The following NR3C2 variants were observed in gnomAD, a reference collection of about 807,000 sequenced individuals.
NR3C2 encodes the protein mineralocorticoid receptor.
A neutral mutation model predicts 86.4 loss-of-function variants in NR3C2; 15 were observed. That is an observed-to-expected ratio of 0.17 (90% confidence interval 0.12 to 0.27). The LOEUF is 0.27. NR3C2 is among the 10% of genes least tolerant of loss of function. NR3C2 has a pLI of 1.00. For synonymous variants in NR3C2, 458 were observed against 450.5 expected, an observed-to-expected ratio of 1.02 and a Z score of -0.21; for missense variants, 960 against 1,195.6, an observed-to-expected ratio of 0.80 and a Z score of 2.91.
intron 2 of NR3C2, among the ~76,000 whole-genome samples, chr4:148,356,276 T>C (rs1450319227): frequency 2.0e-5 from 3 of 152,258 alleles, no homozygotes; most frequent in Non-Finnish European, 4.4e-5. Context: ...CTTAAAATAC[T>C]GATGAAAACT....
intron 2 of NR3C2, among the ~76,000 whole-genome samples, chr4:148,397,186 T>C (rs1040003587): frequency 2.6e-5 from 4 of 152,196 alleles, no homozygotes; most frequent in Admixed American, 6.5e-5. Flanking sequence ...CATTTCCCCG[T>C]GACCTGCTGT....
chr4:148,442,954 G>A, upstream of NR3C2: 1 of 985,360 alleles, frequency 1.0e-6, no homozygotes, highest in Non-Finnish European at 1.2e-6. Context: ...TCCACCTGCA[G>A]CTCCAGGTGA....
chr4:148,308,781 T>C (rs952593429), intron 2 of NR3C2, among the ~76,000 whole-genome samples: 1 of 151,978 alleles, frequency 6.6e-6, no homozygotes, highest in Non-Finnish European at 1.5e-5. Context: ...AGCTCAGGAG[T>C]TCGAGACCAG....
chr4:148,391,537 A>G (rs558089956), intron 2 of NR3C2, among the ~76,000 whole-genome samples: 5 of 152,150 alleles, frequency 3.3e-5, no homozygotes, highest in Non-Finnish European at 7.3e-5. Flanking sequence ...AATGTTGACA[A>G]ATCACATACT....
chr4:148,168,730 G>T (rs1734992151), intron 4 of NR3C2, among the ~76,000 whole-genome samples: 1 of 152,080 alleles, frequency 6.6e-6, no homozygotes, highest in African/African-American at 2.4e-5. Context: ...CCATCCAAAT[G>T]GAATTTCAGC....
chr4:148,299,330 ACTT>A (rs1201550583), intron 2 of NR3C2, among the ~76,000 whole-genome samples: 3 of 152,064 alleles, frequency 2.0e-5, no homozygotes, highest in Non-Finnish European at 4.4e-5. Flanking sequence ...TTGTCCTTGG[ACTT>A]CTTCTGAGGG....
At chr4:148,351,619 T>G (rs1279830783) in intron 2 of NR3C2, among the ~76,000 whole-genome samples, 1 of 152,170 alleles carries the variant, frequency 6.6e-6, no homozygotes, top group Non-Finnish European at 1.5e-5. Context: ...GGAAGAGATG[T>G]GAGCCACTTG....
In NR3C2 at chr4:148,363,506, C is replaced by CTTTTTTTTTTTTT. The variant is rs58978966; in HGVS notation, c.1757+71585_1757+71597dup. Among the ~76,000 whole-genome samples, 47 of 110,752 alleles carry CTTTTTTTTTTTTT rather than the reference C, an allele frequency of 4.2e-4. 1 individual carries two copies. The highest frequency in any genetic ancestry group is 1.5e-3 in the African/African-American group (43 of 28,852). 72.7% of individuals were successfully genotyped at this position (110,752 alleles called of 152,430 possible). On this transcript the variant is annotated intron_variant, in intron 2 of 8. Transcript: ENST00000358102. Reference sequence around the variant, plus strand: ...TAAAGTCTAGACTTCTCATAGATCTCTTTTTTTTTTTTTTTGAGACGGAGT... The same window carrying CTTTTTTTTTTTTT: ...TAAAGTCTAGACTTCTCATAGATCTCTTTTTTTTTTTTTTTTTTTTTTTTTTTTGAGACGGAGT...
At chr4:148,334,909 A>T (rs1744405439) in intron 2 of NR3C2, among the ~76,000 whole-genome samples, 1 of 152,072 alleles carries the variant, frequency 6.6e-6, no homozygotes, top group Non-Finnish European at 1.5e-5. Flanking sequence ...TTCTGTGGCA[A>T]TCTTTAGCCT....
At chr4:148,239,455 A>G (rs1051432124) in intron 3 of NR3C2, among the ~76,000 whole-genome samples, 4 of 152,150 alleles carry the variant, frequency 2.6e-5, no homozygotes, top group African/African-American at 9.6e-5. Context: ...ACTCTTGAAG[A>G]GTATCTGCCC....
At chr4:148,356,722 ATGTG>A (rs1369068377) in intron 2 of NR3C2, among the ~76,000 whole-genome samples, 1 of 152,216 alleles carries the variant, frequency 6.6e-6, no homozygotes. Context: ...TAGCCTATGT[ATGTG>A]TGTGTACATA....
In NR3C2 at chr4:148,155,044, A is replaced by G. The variant is rs7668847; in HGVS notation, c.2015-143T>C. 285,339 of 698,174 alleles carry G rather than the reference A, an allele frequency of 0.41. 60,170 individuals carry two copies. Among genetic ancestry groups the G allele is most frequent in the East Asian group, 0.51 (18,889 of 37,082 alleles). The allele number at this position is 698,174 out of a possible 1,614,324, so 43.2% of individuals were successfully genotyped here. A position where few individuals can be genotyped will look rare whatever the true frequency, so the allele number is the denominator to read the frequency against. ...ACCGTTTATTCCACTAAGAGAAAAT[A>G]TATAAAGCTCAATTATTATTACTTA... On this transcript the variant is annotated intron_variant, in intron 4 of 8. Transcript: ENST00000358102.
intron 2 of NR3C2, among the ~76,000 whole-genome samples, chr4:148,330,183 A>G (rs956466648): frequency 6.6e-6 from 1 of 152,236 alleles, no homozygotes; most frequent in Admixed American, 6.5e-5. Flanking sequence ...TTTTGTCTTC[A>G]TAAGACTCAG....
intron 6 of NR3C2, among the ~76,000 whole-genome samples, chr4:148,145,038 ACT>A (rs1207884747): frequency 6.6e-6 from 1 of 152,182 alleles, no homozygotes; most frequent in Non-Finnish European, 1.5e-5. Context: ...CAGTTGTTAT[ACT>A]GTTTCTCTAA....
At chr4:148,169,268 A>G (rs1418155426) in intron 4 of NR3C2, among the ~76,000 whole-genome samples, 1 of 152,204 alleles carries the variant, frequency 6.6e-6, no homozygotes, top group Non-Finnish European at 1.5e-5. Flanking sequence ...CAATATTATC[A>G]GCTGTTATAG....
intron 8 of NR3C2, 120 bp from the exon 9 acceptor site, chr4:148,081,619 T>C: frequency 1.5e-6 from 2 of 1,357,938 alleles, no homozygotes; most frequent in Non-Finnish European, 2.1e-6. Context: ...CAGGAGACCA[T>C]GTCTTCATTA....
At chr4:148,084,298 C>T (rs932456207) in intron 8 of NR3C2, among the ~76,000 whole-genome samples, 4 of 152,176 alleles carry the variant, frequency 2.6e-5, no homozygotes, top group African/African-American at 7.2e-5. Flanking sequence ...AAGTGGGAAG[C>T]CCATCAGAAT....
At chr4:148,331,099 A>G in intron 2 of NR3C2, among the ~76,000 whole-genome samples, 1 of 152,196 alleles carries the variant, frequency 6.6e-6, no homozygotes, top group East Asian at 1.9e-4. Context: ...CTAATTCAGT[A>G]TATAAAGGAA....
intron 2 of NR3C2, among the ~76,000 whole-genome samples, chr4:148,378,008 G>A (rs1249277334): frequency 6.6e-6 from 1 of 152,102 alleles, no homozygotes; most frequent in African/African-American, 2.4e-5. Context: ...CAGATATACA[G>A]GGAGATAAGT....
Sources: gnomAD v4.1 joint callset for allele counts (sites outside exome capture counted in the v4.1 genomes callset) on GRCh38, gnomAD v4.1.1 for gene constraint, MANE v1.5 for transcripts, NCBI Gene and HGNC (gene_info 2026-07-23, HGNC 2026-07-21) for gene names.